CCDC12: variants seen among roughly 807,000 people sequenced by gnomAD.
The protein encoded by CCDC12 is coiled-coil domain containing 12, also known as coiled-coil domain-containing protein 12.
In CCDC12, 28 loss-of-function variants were observed where a neutral mutation model predicts 25.7. The ratio of observed to expected loss-of-function variants is 1.09; its 90% confidence interval spans 0.81 to 1.50. The LOEUF (loss-of-function observed/expected upper bound fraction) is 1.50, where lower values mean the gene tolerates loss of function less well. CCDC12 is among the 40% of genes most tolerant of loss of function. The pLI, the probability that CCDC12 is intolerant of heterozygous loss-of-function variation, is 0.00. For synonymous variants in CCDC12, 75 were observed against 87.7 expected (o/e 0.86, Z 0.81); for missense variants, 198 against 210.0 (o/e 0.94, Z 0.35).
intron 4 of CCDC12, 116 bp downstream of exon 4, chr3:46,923,491 G>GGGCT: frequency 6.9e-7 from 1 of 1,459,252 alleles, no homozygotes; most frequent in Non-Finnish European, 9.5e-7. Context: ...AAAGGGGCTG[G>GGGCT]TGGGAAGGGA....
At chr3:46,970,260 A>C (rs1309187084) in intron 1 of CCDC12, among the ~76,000 whole-genome samples, 4 of 128,254 alleles carry the variant, frequency 3.1e-5, no homozygotes, top group Admixed American at 9.1e-5. Context: ...AACTTTCCTA[A>C]AACATTATGA....
At chr3:46,974,931 G>A (rs1047231474) in intron 1 of CCDC12, among the ~76,000 whole-genome samples, 1 of 152,150 alleles carries the variant, frequency 6.6e-6, no homozygotes, top group Non-Finnish European at 1.5e-5. Context: ...CCCCACTGGA[G>A]ACATGAAGAA....
At chr3:46,973,923 T>C (rs1482949045) in intron 1 of CCDC12, among the ~76,000 whole-genome samples, 1 of 152,210 alleles carries the variant, frequency 6.6e-6, no homozygotes, top group Non-Finnish European at 1.5e-5. Context: ...TGTACTCCCA[T>C]GTTTATAGCA....
chr3:46,955,137 A>G (rs2034247817), intron 1 of CCDC12, among the ~76,000 whole-genome samples: 1 of 152,198 alleles, frequency 6.6e-6, no homozygotes, highest in Non-Finnish European at 1.5e-5. Flanking sequence ...CACCCAGTGA[A>G]GTTCTTCTTG....
At chr3:46,929,986 GTGCCACTGCAC>G (rs2033140139) in intron 2 of CCDC12, among the ~76,000 whole-genome samples, 2 of 138,662 alleles carry the variant, frequency 1.4e-5, no homozygotes, top group South Asian at 2.4e-4. Context: ...AGCCGAGATG[GTGCCACTGCAC>G]TCCAGCCTGG....
chr3:46,974,835 G>A (rs2034915486), intron 1 of CCDC12, among the ~76,000 whole-genome samples: 1 of 152,110 alleles, frequency 6.6e-6, no homozygotes, highest in African/African-American at 2.4e-5. Context: ...GGCCCTCATT[G>A]GTCTGTCTCT....
upstream of CCDC12, among the ~76,000 whole-genome samples, chr3:46,980,085 G>T (rs1206153156): frequency 3.9e-5 from 6 of 151,942 alleles, no homozygotes; most frequent in Non-Finnish European, 7.4e-5. Context: ...CCCCCAGCCC[G>T]CCGGGTGCCT....
At chr3:46,930,425 G>C (rs2033159660) in intron 2 of CCDC12, among the ~76,000 whole-genome samples, 1 of 152,216 alleles carries the variant, frequency 6.6e-6, no homozygotes, top group South Asian at 2.1e-4. Flanking sequence ...CAGAGACCAA[G>C]CCATGCTTTT....
intron 1 of CCDC12, among the ~76,000 whole-genome samples, chr3:46,948,939 T>C (rs559066554): frequency 0.014 from 19 of 1,314 alleles, no homozygotes; most frequent in African/African-American, 0.016. Context: ...TGGTACTCCA[T>C]GCTGTACTCA....
rs113815529 is a variant in CCDC12, at chr3:46,976,405, T to C, written c.96+232A>G. ...AGATGGACTGCGGGTCGCTGACCAC[T>C]GCCTTGCCCACCCCCGCGCATGCGC... On this transcript the variant is annotated intron_variant, in intron 1 of 6. Coordinates refer to ENST00000683445, the MANE Select transcript of CCDC12 (RefSeq NM_001277074.2). The C allele has an allele frequency of 4.1e-4, 579 of 1,412,296 alleles. 4 individuals are homozygous for C. The African/African-American group carries it at 7.3e-3, about 18-fold the overall frequency. The allele number at this position is 1,412,296 out of a possible 1,614,324, so 87.5% of individuals were successfully genotyped here.
At chr3:46,946,573 C>T (rs867949976) in intron 1 of CCDC12, among the ~76,000 whole-genome samples, 153 of 152,350 alleles carry the variant, frequency 1.0e-3, no homozygotes, top group African/African-American at 3.3e-3. Flanking sequence ...CTGTCAGGGG[C>T]AGGGCTCACA....
chr3:46,958,948 A>G (rs2034381874), intron 1 of CCDC12, among the ~76,000 whole-genome samples: 1 of 152,212 alleles, frequency 6.6e-6, no homozygotes, highest in Non-Finnish European at 1.5e-5. Flanking sequence ...TTTCCAGGCA[A>G]GTCAGAGGTT....
chr3:46,955,077 C>T (rs1311924132), intron 1 of CCDC12, among the ~76,000 whole-genome samples: 2 of 152,204 alleles, frequency 1.3e-5, no homozygotes, highest in African/African-American at 4.8e-5. Flanking sequence ...CAAAGCACCC[C>T]TAGTCCATGC....
intron 1 of CCDC12, 50 bp downstream of exon 1, chr3:46,976,587 A>G: frequency 1.3e-6 from 2 of 1,576,906 alleles, no homozygotes; most frequent in Non-Finnish European, 1.7e-6. Flanking sequence ...CGCGACCCGG[A>G]CCCCGAACGC....
rs749184662 is a variant in CCDC12, at chr3:46,921,991, C to T, written c.*66G>A. ...TGGAGGTGATGGCAAGCCTAGCCCC[C>T]ATCCCTGCCCAAGACCATCCTCTGC... On this transcript the variant is annotated 3_prime_UTR_variant, in exon 7 of 7. Coordinates refer to ENST00000683445, the MANE Select transcript of CCDC12 (RefSeq NM_001277074.2). 2.3e-4 allele frequency: 362 copies of T among 1,554,136 alleles called. 1 individual carries two copies. The highest frequency in any genetic ancestry group is 3.0e-4 in the Non-Finnish European group (334 of 1,129,888).
chr3:46,976,735 T>C lies in CCDC12; in HGVS notation c.-3A>G, dbSNP rs2035009607. The C allele has an allele frequency of 5.6e-6, 9 of 1,604,608 alleles. No homozygotes were observed. The highest frequency in any genetic ancestry group is 7.7e-6 in the Non-Finnish European group (9 of 1,175,752). ...ACACCAGCCGTAGTTGCCTCCATCT[T>C]GCCCGCGTACGCCCCTCCTTTTCTC... On this transcript the variant is annotated 5_prime_UTR_variant, in exon 1 of 7. Transcript: ENST00000683445.
chr3:46,958,555 AT>A (rs1233775417), intron 1 of CCDC12, among the ~76,000 whole-genome samples: 1 of 152,174 alleles, frequency 6.6e-6, no homozygotes. Context: ...GGCCAAGGGA[AT>A]AAGCAGCCCG....
At chr3:46,981,808 C>T (rs2035364223) in intron 1 of CCDC12, 1 of 152,500 alleles carries the variant, frequency 6.6e-6, no homozygotes. Flanking sequence ...AGGACAGTAA[C>T]TCCAGCATGG....
In CCDC12 at chr3:46,923,559, C is replaced by T. The variant is rs1328277136; in HGVS notation, c.306+48G>A. 5 of 1,577,734 alleles carry T rather than the reference C, an allele frequency of 3.2e-6. No individual in the cohort carries two copies. The African/African-American group carries it at 6.7e-5, about 21-fold the overall frequency. On this transcript the variant is annotated intron_variant, in intron 4 of 6. Coordinates refer to ENST00000683445, the MANE Select transcript of CCDC12 (RefSeq NM_001277074.2). ...AGGGAGAGCAAGTGGCGAAGAGAAA[C>T]AGGACACACAGAAGCAGCGAGGATG...
Sources: gnomAD v4.1 joint callset for allele counts (sites outside exome capture counted in the v4.1 genomes callset) on GRCh38, gnomAD v4.1.1 for gene constraint, MANE v1.5 for transcripts, NCBI Gene and HGNC (gene_info 2026-07-23, HGNC 2026-07-21) for gene names.